Variants in KLHL13 observed in about 807,000 individuals in gnomAD.
The protein encoded by KLHL13 is kelch-like protein 13.
KLHL13 carries 10 observed loss-of-function variants against 37.1 expected under a neutral mutation model. The observed-to-expected ratio is 0.27, with a 90% CI of 0.17 to 0.46. The LOEUF (loss-of-function observed/expected upper bound fraction) is 0.46. Ranked by LOEUF, KLHL13 falls within the 20% of genes least tolerant of loss-of-function variation. The probability of loss-of-function intolerance (pLI) is 1.00; values close to 1 mark genes in which losing one functional copy is unlikely to be tolerated. For missense variants in KLHL13, 360 were observed against 509.3 expected (o/e 0.71, Z 2.82); for synonymous variants, 163 against 181.2 (o/e 0.90, Z 0.81).
intron 1 of KLHL13, among the ~76,000 whole-genome samples, chrX:118,093,690 T>C (rs2428312): frequency 0.037 from 4,161 of 111,632 alleles, 219 homozygotes; most frequent in African/African-American, 0.13. Flanking sequence ...ATTAATTTTG[T>C]AACTTATTAG....
intron 1 of KLHL13, among the ~76,000 whole-genome samples, chrX:117,959,204 G>A (rs147031311): frequency 0.085 from 9,425 of 111,511 alleles, 349 homozygotes; most frequent in Middle Eastern, 0.14. Context: ...CCAGTTTCAC[G>A]AACTTTGTTT....
At chrX:117,986,987 T>C (rs1261179574) in intron 1 of KLHL13, among the ~76,000 whole-genome samples, 1 of 111,181 alleles carries the variant, frequency 9.0e-6, no homozygotes, top group Admixed American at 9.6e-5. Context: ...TGCACGCTAA[T>C]CTTAGTAACT....
At chrX:117,918,613 G>A (rs893670623) in intron 4 of KLHL13, among the ~76,000 whole-genome samples, 2 of 111,617 alleles carry the variant, frequency 1.8e-5, no homozygotes, top group Non-Finnish European at 3.8e-5. Context: ...TATCTCCCCA[G>A]AAGTAAAATT....
chrX:118,116,867 G>C (rs1207146243), upstream of KLHL13: 1 of 83,059 alleles, frequency 1.2e-5, no homozygotes, highest in South Asian at 6.4e-4. Flanking sequence ...GGGGGCAGTG[G>C]GGGGGGGAGC....
chrX:118,011,436 G>C (rs186651690), intron 1 of KLHL13, among the ~76,000 whole-genome samples: 32 of 107,759 alleles, frequency 3.0e-4, no homozygotes, highest in Non-Finnish European at 4.4e-4. Context: ...CAAAGAGAGA[G>C]AGAAACTGTC....
intron 1 of KLHL13, among the ~76,000 whole-genome samples, chrX:118,067,568 C>T (rs1427512698): frequency 8.9e-6 from 1 of 111,760 alleles, no homozygotes; most frequent in African/African-American, 3.3e-5. Context: ...CATTATACAG[C>T]TGTAAAAAAT....
At chrX:117,991,472 C>T (rs1051304139) in intron 1 of KLHL13, among the ~76,000 whole-genome samples, 3 of 111,255 alleles carry the variant, frequency 2.7e-5, no homozygotes, top group African/African-American at 9.8e-5. Context: ...ATTTTGCCAC[C>T]TTTATTGGTT....
chrX:118,089,580 G>T (rs1271394279), intron 1 of KLHL13, among the ~76,000 whole-genome samples: 1 of 56,434 alleles, frequency 1.8e-5, no homozygotes, highest in East Asian at 4.6e-4. Flanking sequence ...AGAAAGAAAA[G>T]AAAAGAAAAG....
At chrX:118,025,748 T>C (rs2054267921) in intron 1 of KLHL13, among the ~76,000 whole-genome samples, 1 of 111,900 alleles carries the variant, frequency 8.9e-6, no homozygotes. Context: ...ACAAAATTAA[T>C]TTTTAAAAAA....
At chrX:118,033,055 G>C (rs1307059545) in intron 1 of KLHL13, among the ~76,000 whole-genome samples, 1 of 110,895 alleles carries the variant, frequency 9.0e-6, no homozygotes, top group Non-Finnish European at 1.9e-5. Flanking sequence ...AGAATAAAAA[G>C]AAATGAGCAA....
intron 1 of KLHL13, among the ~76,000 whole-genome samples, chrX:118,078,108 G>A (rs749088534): frequency 8.9e-6 from 1 of 111,777 alleles, no homozygotes; most frequent in Non-Finnish European, 1.9e-5. Context: ...CTCATTCAAA[G>A]TATTTAATTA....
At chrX:117,907,580 G>A (rs919036239) in intron 5 of KLHL13, among the ~76,000 whole-genome samples, 1 of 111,393 alleles carries the variant, frequency 9.0e-6, no homozygotes, top group Non-Finnish European at 1.9e-5. Flanking sequence ...TCCAGATACC[G>A]CAAATTTAAA....
At chrX:117,957,189 C>T (rs5956821) in intron 1 of KLHL13, among the ~76,000 whole-genome samples, 18,299 of 111,037 alleles carry the variant, frequency 0.16, 2,081 homozygotes, top group African/African-American at 0.41. Context: ...GCCTCTACCA[C>T]AGTTCTTGTC....
chrX:118,021,620 T>C (rs972533624), intron 1 of KLHL13, among the ~76,000 whole-genome samples: 1 of 110,928 alleles, frequency 9.0e-6, no homozygotes, highest in African/African-American at 3.3e-5. Context: ...GTGCCACATT[T>C]TCTTAATCCA....
At chrX:118,053,852 GAGA>G (rs1482091305) in intron 1 of KLHL13, among the ~76,000 whole-genome samples, 1 of 63,805 alleles carries the variant, frequency 1.6e-5, no homozygotes, top group African/African-American at 7.0e-5. Flanking sequence ...AGAGAGAGGA[GAGA>G]GAGAGAGAGA....
chrX:118,036,903 A>T (rs763666493), intron 1 of KLHL13, among the ~76,000 whole-genome samples: 1,205 of 102,597 alleles, frequency 0.012, 13 homozygotes, highest in Non-Finnish European at 0.016. Flanking sequence ...ACAAGAAAAA[A>T]ACAAACAACC....
intron 1 of KLHL13, among the ~76,000 whole-genome samples, chrX:118,105,026 A>G (rs1449579244): frequency 3.6e-5 from 4 of 112,399 alleles, no homozygotes; most frequent in Non-Finnish European, 7.5e-5. Context: ...TTTAACCTCT[A>G]AAGTTTTTTT....
At chrX:118,029,593 T>G (rs1312255692) in intron 1 of KLHL13, among the ~76,000 whole-genome samples, 7 of 112,318 alleles carry the variant, frequency 6.2e-5, no homozygotes, top group Non-Finnish European at 1.3e-4. Context: ...AATGTAAATT[T>G]TACTTAAATA....
intron 1 of KLHL13, among the ~76,000 whole-genome samples, chrX:118,045,654 A>C (rs1449626763): frequency 1.1e-4 from 12 of 110,012 alleles, no homozygotes; most frequent in Non-Finnish European, 2.3e-4. Flanking sequence ...AGTACACACA[A>C]AAAAAGTAGA....
Sources: allele counts gnomAD v4.1 joint callset (sites outside exome capture counted in the v4.1 genomes callset), GRCh38; gene constraint gnomAD v4.1.1; transcripts MANE v1.5; gene names NCBI Gene and HGNC (gene_info 2026-07-23, HGNC 2026-07-21).